The following UBE2E2 variants were observed in gnomAD, a reference collection of about 807,000 sequenced individuals.
The protein encoded by UBE2E2 is ubiquitin-conjugating enzyme E2 E2.
A neutral mutation model predicts 24.7 loss-of-function variants in UBE2E2; 6 were observed. The ratio of observed to expected loss-of-function variants is 0.24; its 90% CI spans 0.13 to 0.48. The LOEUF is 0.48. UBE2E2 is among the 20% of genes least tolerant of loss of function. The pLI, the probability that UBE2E2 is intolerant of heterozygous loss-of-function variation, is 0.99. For synonymous variants in UBE2E2, 104 were observed against 83.6 expected, an observed-to-expected ratio of 1.24 and a Z score of -1.33; for missense variants, 169 against 245.0, an observed-to-expected ratio of 0.69 and a Z score of 2.07.
intron 3 of UBE2E2, among the ~76,000 whole-genome samples, chr3:23,349,489 G>A (rs1482217575): frequency 2.6e-5 from 4 of 152,286 alleles, no homozygotes; most frequent in East Asian, 3.9e-4. Flanking sequence ...TCAAAGAAAG[G>A]GGTGACAGAC....
chr3:23,475,084 C>T (rs1472965680), intron 3 of UBE2E2, among the ~76,000 whole-genome samples: 1 of 152,148 alleles, frequency 6.6e-6, no homozygotes, highest in South Asian at 2.1e-4. Flanking sequence ...AGTGCTCCTT[C>T]TCTCAGCTTC....
chr3:23,519,839 G>A (rs1416633560), intron 4 of UBE2E2, among the ~76,000 whole-genome samples: 4 of 131,366 alleles, frequency 3.0e-5, no homozygotes, highest in Non-Finnish European at 6.3e-5. Flanking sequence ...ACCATGCCCA[G>A]CTAATTTTTT....
At chr3:23,577,098 TATTGTA>T in intron 5 of UBE2E2, among the ~76,000 whole-genome samples, 2 of 152,248 alleles carry the variant, frequency 1.3e-5, no homozygotes, top group Middle Eastern at 6.8e-3. Context: ...CTGATGCTAC[TATTGTA>T]ATTGATTTGT....
chr3:23,534,212 T>C (rs1695199794), intron 5 of UBE2E2: 36 of 979,754 alleles, frequency 3.7e-5, no homozygotes, highest in Non-Finnish European at 4.2e-5. Flanking sequence ...TCTGTTACCC[T>C]GAATAAGCCT....
chr3:23,225,088 T>A (rs1321622105), intron 3 of UBE2E2, among the ~76,000 whole-genome samples: 1 of 152,154 alleles, frequency 6.6e-6, no homozygotes, highest in Non-Finnish European at 1.5e-5. Context: ...CATTTGTTTA[T>A]CTTCTTTGGA....
At chr3:23,531,175 A>G (rs1287345737) in intron 4 of UBE2E2, among the ~76,000 whole-genome samples, 1 of 152,160 alleles carries the variant, frequency 6.6e-6, no homozygotes, top group African/African-American at 2.4e-5. Context: ...ACTTCGCATC[A>G]TGTAAATTAC....
At chr3:23,254,598 C>A (rs1025208184) in intron 3 of UBE2E2, among the ~76,000 whole-genome samples, 1 of 152,180 alleles carries the variant, frequency 6.6e-6, no homozygotes, top group African/African-American at 2.4e-5. Flanking sequence ...GTATATCTGG[C>A]TTCATTGAAA....
At chr3:23,294,542 ATT>A (rs1698855322) in intron 3 of UBE2E2, among the ~76,000 whole-genome samples, 1 of 137,508 alleles carries the variant, frequency 7.3e-6, no homozygotes, top group Admixed American at 7.0e-5. Flanking sequence ...CAGCGTTTAG[ATT>A]ATTTGTATCT....
chr3:23,531,595 G>A (rs965739774), intron 4 of UBE2E2, among the ~76,000 whole-genome samples: 1 of 152,128 alleles, frequency 6.6e-6, no homozygotes, highest in East Asian at 1.9e-4. Context: ...AAGGTAGGAT[G>A]CACTAATATT....
intron 3 of UBE2E2, among the ~76,000 whole-genome samples, chr3:23,266,097 T>C (rs1001625288): frequency 5.9e-5 from 9 of 152,238 alleles, no homozygotes; most frequent in Non-Finnish European, 1.2e-4. Context: ...TGACTCTGTA[T>C]CCAATTTGCC....
At chr3:23,358,790 C>T (rs1478336577) in intron 3 of UBE2E2, among the ~76,000 whole-genome samples, 7 of 152,280 alleles carry the variant, frequency 4.6e-5, no homozygotes, top group African/African-American at 1.4e-4. Context: ...AGTTATTGTG[C>T]CATTGTGCAT....
intron 3 of UBE2E2, among the ~76,000 whole-genome samples, chr3:23,350,074 T>C (rs1471041768): frequency 6.6e-6 from 1 of 152,126 alleles, no homozygotes; most frequent in East Asian, 1.9e-4. Context: ...CATTTGCCGT[T>C]CACAAAAATC....
chr3:23,512,360 G>A (rs1021969422), intron 4 of UBE2E2, among the ~76,000 whole-genome samples: 3 of 152,048 alleles, frequency 2.0e-5, no homozygotes, highest in African/African-American at 7.2e-5. Context: ...CAGGACTACA[G>A]GCATGTGCCA....
intron 3 of UBE2E2, among the ~76,000 whole-genome samples, chr3:23,302,743 C>T (rs1410233329): frequency 2.6e-5 from 4 of 152,192 alleles, no homozygotes; most frequent in Non-Finnish European, 4.4e-5. Flanking sequence ...CCTGAGGTAG[C>T]ATGAAAGCAG....
intron 3 of UBE2E2, among the ~76,000 whole-genome samples, chr3:23,257,652 C>T (rs1453029824): frequency 6.6e-6 from 1 of 150,480 alleles, no homozygotes; most frequent in Non-Finnish European, 1.5e-5. Flanking sequence ...ACTATAGGCA[C>T]AGGCCACCAT....
At chr3:23,476,699 A>G (rs1443872593) in intron 3 of UBE2E2, among the ~76,000 whole-genome samples, 1 of 152,172 alleles carries the variant, frequency 6.6e-6, no homozygotes, top group African/African-American at 2.4e-5. Flanking sequence ...AAAAAGAAAA[A>G]TAAATTTTAA....
rs371401376 is a variant in UBE2E2 at position 23,486,553 on chromosome 3, A to G, written c.228-13055A>G. Among the ~76,000 whole-genome samples the G allele has an allele frequency of 3.9e-5, 6 of 152,172 alleles. No homozygotes were observed. In the East Asian group the frequency reaches 7.7e-4, roughly 20 times the overall value. On this transcript the variant is annotated intron_variant, in intron 3 of 5. Transcript: ENST00000396703. ...CAGTCCCACCGTCCTGCTCCGGCCC[A>G]TGGCTCCTGAGCTGACCTGACCCCA...
At position 23,208,879 on chromosome 3, in the gene UBE2E2, C is replaced by T; in HGVS notation, c.176+4C>T. On this transcript the variant is annotated splice_donor_region_variant and intron_variant, in intron 2 of 5. Transcript: ENST00000396703. ...AATTGTCAACTAGTGCTAAAAGGTA[C>T]TTCAGTTATTATAACCTTTTTATTG... 1 of 1,604,600 alleles carries T rather than the reference C, an allele frequency of 6.2e-7. No homozygotes were observed. Among genetic ancestry groups the T allele is most frequent in the Non-Finnish European group, 8.5e-7 (1 of 1,175,558 alleles).
intron 3 of UBE2E2, among the ~76,000 whole-genome samples, chr3:23,444,065 G>GTTTTTTTTT (rs59171795): frequency 8.5e-6 from 1 of 117,388 alleles, no homozygotes; most frequent in African/African-American, 3.1e-5. Context: ...CACCAGTTTT[G>GTTTTTTTTT]TTTTTTTTTT....
Sources: allele counts gnomAD v4.1 joint callset (sites outside exome capture counted in the v4.1 genomes callset), GRCh38; gene constraint gnomAD v4.1.1; transcripts MANE v1.5; gene names NCBI Gene and HGNC (gene_info 2026-07-23, HGNC 2026-07-21).